MX1: variants seen among roughly 807,000 people sequenced by gnomAD.
MX1 encodes the protein MX dynamin like GTPase 1, also known as interferon-induced GTP-binding protein Mx1.
A neutral mutation model predicts 66.4 loss-of-function variants in MX1; 66 were observed. The ratio of observed to expected loss-of-function variants is 0.99; its 90% CI spans 0.82 to 1.22. MX1 has a LOEUF of 1.22. Ranked by LOEUF, MX1 falls within the 50% of genes most tolerant of loss-of-function variation. The pLI, the probability that MX1 is intolerant of heterozygous loss-of-function variation, is 0.00. For synonymous variants in MX1, 311 were observed against 318.1 expected, an observed-to-expected ratio of 0.98 and a Z score of 0.24; for missense variants, 787 against 834.3, an observed-to-expected ratio of 0.94 and a Z score of 0.70.
intron 11 of MX1, among the ~76,000 whole-genome samples, chr21:41,444,800 T>C (rs1394058358): frequency 6.6e-6 from 1 of 152,128 alleles, no homozygotes; most frequent in Non-Finnish European, 1.5e-5. Context: ...ACAGATGCCC[T>C]TGTGGCTGAG....
At chr21:41,428,609 G>A (rs1168506226) in intron 3 of MX1, 1 of 152,230 alleles carries the variant, frequency 6.6e-6, no homozygotes, top group Non-Finnish European at 1.5e-5. Context: ...TGTCGCTTTT[G>A]CGATCCTCCA....
rs1284545137 is a variant in MX1 at position 41,432,188 on chromosome 21, C to T, written c.105+13C>T. The stretch of plus-strand genomic sequence containing the variant: ...AAATCCAGGCTCGGTAAGTTGCTCT[C>T]TGAAAGTCGCTATCCATGTGACATG... On this transcript the variant is annotated intron_variant, in intron 5 of 16. Coordinates refer to ENST00000398598, the MANE Select transcript of MX1 (RefSeq NM_002462.5). The T allele has an allele frequency of 1.9e-6, 3 of 1,611,792 alleles. No homozygotes were observed. The highest frequency in any genetic ancestry group is 1.7e-6 in the Non-Finnish European group (2 of 1,178,566).
chr21:41,436,449 A>G (rs2090365787), intron 6 of MX1, among the ~76,000 whole-genome samples: 1 of 152,222 alleles, frequency 6.6e-6, no homozygotes, highest in Non-Finnish European at 1.5e-5. Context: ...CACATAAGTC[A>G]TATGTAATCT....
At chr21:41,458,492 C>T (rs778365614) in intron 16 of MX1, 36 bp from the exon 17 acceptor site, 12 of 1,612,210 alleles carry the variant, frequency 7.4e-6, no homozygotes, top group Non-Finnish European at 1.0e-5. Context: ...TCACAGTGTC[C>T]CCTCCACCCT....
At chr21:41,421,745 T>A (rs1253378336), upstream of MX1, 1 of 152,986 alleles carries the variant, frequency 6.5e-6, no homozygotes, top group Middle Eastern at 3.1e-3. Flanking sequence ...GCAGAAGAAT[T>A]TTTCTTAGTA....
chr21:41,425,043 A>G (rs950257772), upstream of MX1, among the ~76,000 whole-genome samples: 5 of 152,248 alleles, frequency 3.3e-5, no homozygotes, highest in African/African-American at 9.6e-5. Context: ...ATAAGCTTGC[A>G]TCTGCAACTT....
At chr21:41,439,985 G>A in intron 8 of MX1, 137 bp downstream of exon 8, 1 of 902,022 alleles carries the variant, frequency 1.1e-6, no homozygotes, top group South Asian at 2.4e-5. Flanking sequence ...TTGGAGGTGT[G>A]AGTGGGGAAT....
chr21:41,444,318 CTTTTTTTTTT>C (rs11317486), intron 11 of MX1, among the ~76,000 whole-genome samples: 2 of 71,526 alleles, frequency 2.8e-5, no homozygotes, highest in East Asian at 4.4e-4. Flanking sequence ...TCTTTTCTTT[CTTTTTTTTTT>C]TTTTTTTTTT....
chr21:41,452,771 A>G lies in MX1; in HGVS notation c.1660A>G (p.Lys554Glu). ...KVREKELEEE[K>E]KKKSWDFGAF... Reference sequence around the variant, plus strand: ...CAGAGAGAAGGAGCTGGAAGAAGAAAAGAAGAAGAAATCCTGGGATTTTGG... The same window carrying G: ...CAGAGAGAAGGAGCTGGAAGAAGAAGAGAAGAAGAAATCCTGGGATTTTGG... Residue 554 changes from lysine (K) to glutamate (E), a missense_variant, in exon 16 of 17, where the codon AAG (lysine) becomes GAG (glutamate). Transcript: ENST00000398598. 6.2e-7 allele frequency: 1 copy of G among 1,614,112 alleles called. No homozygotes were observed. Among genetic ancestry groups the G allele is most frequent in the Non-Finnish European group, 8.5e-7 (1 of 1,180,010 alleles).
rs35986450 is a variant in MX1 at position 41,432,560 on chromosome 21, G to A, written c.105+385G>A. On this transcript the variant is annotated intron_variant, in intron 5 of 16. Transcript: ENST00000398598. ...GATATTATCTTTGTAGGGAAGCCAC[G>A]TGGTGAATTTTTTGCCCAGAATCAA... Among the ~76,000 whole-genome samples the A allele has an allele frequency of 6.5e-3, 988 of 152,296 alleles. 10 individuals are homozygous for A. Among genetic ancestry groups the A allele is most frequent in the African/African-American group, 0.023 (936 of 41,566 alleles).
At position 41,441,240 on chromosome 21, in the gene MX1, A is replaced by G; in HGVS notation, c.730+215A>G. Reference sequence around the variant, plus strand: ...TGCTCAGTGGGGACCTGCCTCCACTAAGACCTGCTAAGGGAGCAGGTTTGG... The same window carrying G: ...TGCTCAGTGGGGACCTGCCTCCACTGAGACCTGCTAAGGGAGCAGGTTTGG... On this transcript the variant is annotated intron_variant, in intron 9 of 16. Transcript: ENST00000398598. This position sits in a 1 kb window ranked among gnomAD's most constrained non-coding sequence, Gnocchi z 4.0. 1 of 621,554 alleles carries G rather than the reference A, an allele frequency of 1.6e-6. No homozygotes were observed. The highest frequency in any genetic ancestry group is 2.7e-6 in the Non-Finnish European group (1 of 376,168). The allele number at this position is 621,554 out of a possible 1,614,324, so 38.5% of individuals were successfully genotyped here.
intron 5 of MX1, among the ~76,000 whole-genome samples, chr21:41,433,042 C>T (rs1326220108): frequency 1.3e-5 from 2 of 152,212 alleles, no homozygotes; most frequent in East Asian, 3.8e-4. Flanking sequence ...CTCTCACCCA[C>T]TCATACTTGC....
At chr21:41,436,160 T>G in intron 6 of MX1, 131 bp downstream of exon 6, 1 of 1,098,160 alleles carries the variant, frequency 9.1e-7, no homozygotes, top group East Asian at 2.6e-5. Context: ...AGGGTTTAGC[T>G]TCTCCTGAGG....
chr21:41,447,222 G>T (rs1200652583), intron 13 of MX1, among the ~76,000 whole-genome samples: 1 of 152,166 alleles, frequency 6.6e-6, no homozygotes, highest in Non-Finnish European at 1.5e-5. Context: ...TCATGTGGTT[G>T]TCCCTCAGTG....
intron 10 of MX1, 116 bp downstream of exon 10, chr21:41,442,030 T>C (rs1397729114): frequency 9.3e-6 from 8 of 856,020 alleles, no homozygotes; most frequent in East Asian, 3.4e-5. Flanking sequence ...TGTGTGCGTG[T>C]GTGTGTGTGC....
intron 4 of MX1, chr21:41,431,566 G>T (rs2090213620): frequency 6.4e-6 from 1 of 155,742 alleles, no homozygotes; most frequent in Admixed American, 6.2e-5. Context: ...TCCTCTGCCT[G>T]CCAGGTTCAA....
intron 5 of MX1, among the ~76,000 whole-genome samples, chr21:41,432,502 AG>A (rs1479941600): frequency 6.6e-6 from 1 of 152,222 alleles, no homozygotes; most frequent in Non-Finnish European, 1.5e-5. Flanking sequence ...ATCATGATTC[AG>A]TCTCAAGCTA....
chr21:41,443,520 C>A, intron 10 of MX1: 1 of 474,982 alleles, frequency 2.1e-6, no homozygotes, highest in Non-Finnish European at 3.8e-6. Context: ...TTTGTGATGA[C>A]CAAGTCTATA....
In MX1 at chr21:41,451,252, A is replaced by C. The variant is rs1222254504; in HGVS notation, c.1509+9A>C. The stretch of plus-strand genomic sequence containing the variant: ...TCCACAGAACCGCCAAGGTAAAACC[A>C]ACCATGTGTTGTTTAAAAAAAAAAA... On this transcript the variant is annotated intron_variant, in intron 15 of 16. Coordinates refer to ENST00000398598, the MANE Select transcript of MX1 (RefSeq NM_002462.5). The C allele has an allele frequency of 6.4e-7, 1 of 1,562,160 alleles. No homozygotes were observed. The highest frequency in any genetic ancestry group is 1.2e-5 in the South Asian group (1 of 85,496).
Sources: gnomAD v4.1 joint callset for allele counts (sites outside exome capture counted in the v4.1 genomes callset) on GRCh38, gnomAD v4.1.1 for gene constraint, Gnocchi (gnomAD v3.1) non-coding constraint, MANE v1.5 for transcripts, NCBI Gene and HGNC (gene_info 2026-07-23, HGNC 2026-07-21) for gene names.